The following EYA2 variants were observed in gnomAD, a reference collection of about 807,000 sequenced individuals.
EYA2 encodes the protein EYA transcriptional coactivator and phosphatase 2, also known as protein phosphatase EYA2.
Under a neutral mutation model 69.2 loss-of-function variants are expected in EYA2, and 31 were observed. The ratio of observed to expected loss-of-function variants is 0.45; its 90% CI spans 0.34 to 0.60. EYA2 has a LOEUF of 0.60. Among genes scored for constraint, EYA2 ranks in the 20% least tolerant of loss-of-function variants. EYA2 has a pLI of 0.02. For synonymous variants in EYA2, 257 were observed against 279.4 expected (o/e 0.92, Z 0.80); for missense variants, 622 against 701.2 (o/e 0.89, Z 1.28).
chr20:47,088,505 T>C (rs992712346), intron 7 of EYA2, among the ~76,000 whole-genome samples: 5 of 152,192 alleles, frequency 3.3e-5, no homozygotes, highest in African/African-American at 1.2e-4. Context: ...CCTCACTCCC[T>C]GACCGAGGCC....
intron 1 of EYA2, among the ~76,000 whole-genome samples, chr20:46,958,762 A>G (rs1182268273): frequency 6.6e-6 from 1 of 152,118 alleles, no homozygotes; most frequent in African/African-American, 2.4e-5. Flanking sequence ...CTCATCACTT[A>G]GCTCGCACCT....
In EYA2 at chr20:47,134,822, C is replaced by T. The variant is rs531883854; in HGVS notation, c.889-8237C>T. 2.7e-3 allele frequency among the ~76,000 whole-genome samples: 413 copies of T among 152,234 alleles called. 5 individuals are homozygous for T. The highest frequency in any genetic ancestry group is 1.6e-3 in the Non-Finnish European group (106 of 68,014). ...TGGGCACTGCTAGGTTCCAACAAAACTTTATTTACAAAAACAGACAACGGG... is the reference window on the plus strand; with the variant it reads ...TGGGCACTGCTAGGTTCCAACAAAATTTTATTTACAAAAACAGACAACGGG... On this transcript the variant is annotated intron_variant, in intron 9 of 15. Coordinates refer to ENST00000327619, the MANE Select transcript of EYA2 (RefSeq NM_005244.5).
At chr20:47,004,564 T>C (rs910288841) in intron 3 of EYA2, among the ~76,000 whole-genome samples, 14 of 152,136 alleles carry the variant, frequency 9.2e-5, no homozygotes, top group Non-Finnish European at 1.6e-4. Context: ...GACTCAGGGA[T>C]CCAGGGTGTT....
intron 3 of EYA2, among the ~76,000 whole-genome samples, chr20:47,002,987 A>G (rs1982475595): frequency 6.6e-6 from 1 of 152,230 alleles, no homozygotes; most frequent in Admixed American, 6.5e-5. Flanking sequence ...CCTCAGGTGG[A>G]AGAGGAACTC....
intron 10 of EYA2, among the ~76,000 whole-genome samples, chr20:47,158,604 TA>T (rs2034003814): frequency 6.6e-6 from 1 of 151,660 alleles, no homozygotes; most frequent in Admixed American, 6.6e-5. Flanking sequence ...GATACTCAGA[TA>T]ACAGTTTCTA....
At chr20:47,053,847 G>A (rs997871230) in intron 5 of EYA2, among the ~76,000 whole-genome samples, 1 of 151,692 alleles carries the variant, frequency 6.6e-6, no homozygotes, top group Non-Finnish European at 1.5e-5. Context: ...ACAAAGGAGG[G>A]GCTCAGGGTT....
intron 1 of EYA2, among the ~76,000 whole-genome samples, chr20:46,896,202 A>G (rs1983803763): frequency 6.6e-6 from 1 of 152,206 alleles, no homozygotes; most frequent in Non-Finnish European, 1.5e-5. Context: ...GCACTGAATT[A>G]TGTTTGAGTT....
intron 1 of EYA2, among the ~76,000 whole-genome samples, chr20:46,930,741 C>T (rs1034211726): frequency 6.6e-6 from 1 of 152,204 alleles, no homozygotes; most frequent in Admixed American, 6.5e-5. Flanking sequence ...GTTCCTTTCT[C>T]CCCTCAATTT....
intron 6 of EYA2, among the ~76,000 whole-genome samples, chr20:47,073,341 A>G (rs928652257): frequency 6.6e-6 from 1 of 152,136 alleles, no homozygotes; most frequent in Admixed American, 6.5e-5. Context: ...ATTGATCTCC[A>G]TGACTCCCTC....
intron 7 of EYA2, among the ~76,000 whole-genome samples, chr20:47,086,667 C>T (rs1370676124): frequency 2.0e-5 from 3 of 152,038 alleles, no homozygotes; most frequent in Non-Finnish European, 4.4e-5. Flanking sequence ...CAGTCACCTC[C>T]TACCAGGCCC....
intron 1 of EYA2, among the ~76,000 whole-genome samples, chr20:46,920,298 T>A (rs1375441720): frequency 1.3e-5 from 2 of 152,102 alleles, no homozygotes; most frequent in African/African-American, 4.8e-5. Context: ...TCTTCCTGTA[T>A]TTGCTTTATT....
intron 5 of EYA2, among the ~76,000 whole-genome samples, chr20:47,023,076 G>A (rs1983850872): frequency 1.3e-5 from 2 of 151,650 alleles, no homozygotes; most frequent in African/African-American, 4.8e-5. Flanking sequence ...TTTTAAACAG[G>A]TTACACATTT....
At chr20:47,105,026 T>A (rs1437908097) in intron 9 of EYA2, among the ~76,000 whole-genome samples, 4 of 151,810 alleles carry the variant, frequency 2.6e-5, no homozygotes, top group Non-Finnish European at 5.9e-5. Context: ...ATCTCAAAAA[T>A]TTTTTTAAAA....
At position 47,188,719 on chromosome 20, in the gene EYA2, C is replaced by T. The variant is rs745685823; in HGVS notation, c.*586C>T. On this transcript the variant is annotated 3_prime_UTR_variant, in exon 16 of 16. Transcript: ENST00000327619. Reference sequence around the variant, plus strand: ...TTTTTGTTTTTAAAGACCTACTTGACGTCATGTGGACAGTGCACGTGCCTT... The same window carrying T: ...TTTTTGTTTTTAAAGACCTACTTGATGTCATGTGGACAGTGCACGTGCCTT... 5.2e-6 allele frequency: 1 copy of T among 190,514 alleles called. No homozygotes were observed. The highest frequency in any genetic ancestry group is 5.4e-5 in the Admixed American group (1 of 18,372). 11.8% of individuals were successfully genotyped at this position (190,514 alleles called of 1,614,324 possible). A position where few individuals can be genotyped will look rare whatever the true frequency, so the allele number is the denominator to read the frequency against.
intron 5 of EYA2, among the ~76,000 whole-genome samples, chr20:47,059,542 G>T (rs747781603): frequency 2.0e-5 from 3 of 152,134 alleles, no homozygotes; most frequent in Non-Finnish European, 4.4e-5. Context: ...GTAGAGACGG[G>T]GTTTTGCCCT....
At chr20:47,183,143 T>G in intron 14 of EYA2, 148 bp from the exon 15 acceptor site, 1 of 695,296 alleles carries the variant, frequency 1.4e-6, no homozygotes, top group South Asian at 1.8e-5. Flanking sequence ...ATAACAGGGC[T>G]CACCTCAGAA....
intron 1 of EYA2, among the ~76,000 whole-genome samples, chr20:46,972,083 T>C (rs187127341): frequency 2.2e-4 from 34 of 152,224 alleles, no homozygotes; most frequent in African/African-American, 7.9e-4. Context: ...AGTTTAACAA[T>C]ATGATCAAGA....
intron 12 of EYA2, among the ~76,000 whole-genome samples, chr20:47,173,437 C>T (rs1045564996): frequency 6.8e-6 from 1 of 147,444 alleles, no homozygotes; most frequent in Admixed American, 6.9e-5. Context: ...GCAGGGTCAC[C>T]AGCAGGCAGA....
At chr20:47,017,484 TTTA>T in intron 5 of EYA2, among the ~76,000 whole-genome samples, 1 of 152,234 alleles carries the variant, frequency 6.6e-6, no homozygotes, top group Non-Finnish European at 1.5e-5. Flanking sequence ...TCACTTCATC[TTTA>T]TTATTTTAAT....
Sources: gnomAD v4.1 joint callset for allele counts (sites outside exome capture counted in the v4.1 genomes callset) on GRCh38, gnomAD v4.1.1 for gene constraint, MANE v1.5 for transcripts, NCBI Gene and HGNC (gene_info 2026-07-23, HGNC 2026-07-21) for gene names.